The following RHOU variants were observed in gnomAD, a reference collection of about 807,000 sequenced individuals.
RHOU encodes rho-related GTP-binding protein RhoU.
Under a neutral mutation model 12.6 loss-of-function variants are expected in RHOU, and 8 were observed. That is an observed-to-expected ratio of 0.64 (90% confidence interval 0.37 to 1.15). RHOU has a LOEUF of 1.15. Ranked by LOEUF, RHOU falls within the 50% of genes most tolerant of loss-of-function variation. The pLI, the probability that RHOU is intolerant of heterozygous loss-of-function variation, is 0.01. For missense variants in RHOU, 258 were observed against 347.0 expected (o/e 0.74, Z 2.04); for synonymous variants, 161 against 147.4 (o/e 1.09, Z -0.67).
upstream of RHOU, among the ~76,000 whole-genome samples, chr1:228,734,422 T>C (rs543242027): frequency 6.6e-6 from 1 of 152,192 alleles, no homozygotes; most frequent in Admixed American, 6.5e-5. Context: ...GGGGCTAGAC[T>C]ATTTGGGTTT....
At chr1:228,719,721 C>T in the RHOU span, among the ~76,000 whole-genome samples, 7 of 152,206 alleles carry the variant, frequency 4.6e-5, no homozygotes, top group East Asian at 1.2e-3. Flanking sequence ...CAGAACATGA[C>T]TCTGTCTTAA....
the RHOU span, among the ~76,000 whole-genome samples, chr1:228,661,983 G>GA: frequency 6.6e-6 from 1 of 151,852 alleles, no homozygotes; most frequent in Non-Finnish European, 1.5e-5. Context: ...AAATTTACAA[G>GA]AAAAAAACAA....
At chr1:228,674,499 A>ACC in the RHOU span, among the ~76,000 whole-genome samples, 1 of 151,794 alleles carries the variant, frequency 6.6e-6, no homozygotes, top group Non-Finnish European at 1.5e-5. Context: ...GGTGCCTGCC[A>ACC]CCACACCCAG....
chr1:228,659,072 C>T, the RHOU span, among the ~76,000 whole-genome samples: 2 of 146,258 alleles, frequency 1.4e-5, no homozygotes, highest in African/African-American at 2.5e-5. Flanking sequence ...GAAATGCTTA[C>T]GTTTTAAAAA....
At position 228,746,277 on chromosome 1, in the gene RHOU, A is replaced by G. The variant is rs1211737635; in HGVS notation, c.*2537A>G. The G allele has an allele frequency of 6.6e-6, 1 of 152,246 alleles. No individual in the cohort carries two copies. The highest frequency in any genetic ancestry group is 1.5e-5 in the Non-Finnish European group (1 of 68,044). The allele number at this position is 152,246 out of a possible 1,614,324, so 9.4% of individuals were successfully genotyped here. A position where few individuals can be genotyped will look rare whatever the true frequency, so the allele number is the denominator to read the frequency against. The stretch of plus-strand genomic sequence containing the variant: ...TATAAAGTTGGTTCACTTCAAAGCT[A>G]AAAAATTGTTAAACTTGCAGCTTGG... On this transcript the variant is annotated 3_prime_UTR_variant, in exon 3 of 3. Coordinates refer to ENST00000366691, the MANE Select transcript of RHOU (RefSeq NM_021205.6).
chr1:228,686,793 T>G, the RHOU span, among the ~76,000 whole-genome samples: 3 of 151,828 alleles, frequency 2.0e-5, no homozygotes, highest in Non-Finnish European at 2.9e-5. Flanking sequence ...CAGGCTGGAG[T>G]GCAGTGGCGT....
At chr1:228,707,196 CATATATAT>C in the RHOU span, among the ~76,000 whole-genome samples, 11 of 70,620 alleles carry the variant, frequency 1.6e-4, no homozygotes, top group African/African-American at 5.0e-4. Flanking sequence ...TATATATATA[CATATATAT>C]ACATATATAT....
the RHOU span, among the ~76,000 whole-genome samples, chr1:228,659,574 T>G: frequency 1.0e-3 from 153 of 151,950 alleles, no homozygotes; most frequent in African/African-American, 3.3e-3. Flanking sequence ...AAAGCTGGTT[T>G]TTTTTTAAAG....
the RHOU span, among the ~76,000 whole-genome samples, chr1:228,660,425 T>C: frequency 1.3e-5 from 2 of 151,490 alleles, no homozygotes; most frequent in Non-Finnish European, 2.9e-5. Context: ...TCCTTCTTAA[T>C]CCCTTCCAAA....
the RHOU span, among the ~76,000 whole-genome samples, chr1:228,723,643 GGGGCTTTAC>G: frequency 6.6e-6 from 1 of 152,178 alleles, no homozygotes; most frequent in Non-Finnish European, 1.5e-5. Flanking sequence ...GCTAAGAGCC[GGGGCTTTAC>G]GAGTGGGGCC....
At chr1:228,734,614 C>A (rs1423128879), upstream of RHOU, among the ~76,000 whole-genome samples, 1 of 149,198 alleles carries the variant, frequency 6.7e-6, no homozygotes, top group Non-Finnish European at 1.5e-5. Flanking sequence ...ATTTTTACTA[C>A]CACTAGTATC....
At chr1:228,685,748 T>C in the RHOU span, among the ~76,000 whole-genome samples, 1 of 152,200 alleles carries the variant, frequency 6.6e-6, no homozygotes, top group East Asian at 1.9e-4. Flanking sequence ...AATCTTCTCA[T>C]TGACTTACAT....
chr1:228,687,734 G>T, the RHOU span: 1 of 1,441,822 alleles, frequency 6.9e-7, no homozygotes, highest in South Asian at 1.1e-5. Context: ...GTGAGCACGT[G>T]ACCAACTTGT....
the RHOU span, among the ~76,000 whole-genome samples, chr1:228,665,106 C>A: frequency 6.6e-6 from 1 of 152,194 alleles, no homozygotes; most frequent in Non-Finnish European, 1.5e-5. Context: ...GGCTAAGTGA[C>A]TTTTACCTGG....
chr1:228,666,659 G>A, the RHOU span, among the ~76,000 whole-genome samples: 1 of 152,132 alleles, frequency 6.6e-6, no homozygotes, highest in Non-Finnish European at 1.5e-5. Context: ...GAAGCCAGCA[G>A]GGAATGTGCA....
the RHOU span, among the ~76,000 whole-genome samples, chr1:228,682,418 TCAC>T: frequency 0.017 from 2,566 of 152,342 alleles, 22 homozygotes; most frequent in Middle Eastern, 0.044. Flanking sequence ...GCTGTTTATT[TCAC>T]CTGGGTGTAG....
the RHOU span, among the ~76,000 whole-genome samples, chr1:228,724,683 T>C: frequency 6.6e-6 from 1 of 152,218 alleles, no homozygotes; most frequent in Admixed American, 6.5e-5. Flanking sequence ...TTATTAACTA[T>C]AGTCACCAAG....
chr1:228,661,318 T>C, the RHOU span, among the ~76,000 whole-genome samples: 1 of 152,080 alleles, frequency 6.6e-6, no homozygotes, highest in Non-Finnish European at 1.5e-5. Flanking sequence ...TTTAACAGAA[T>C]TGGAAAAAAC....
the RHOU span, among the ~76,000 whole-genome samples, chr1:228,686,157 G>A: frequency 6.6e-6 from 1 of 151,976 alleles, no homozygotes; most frequent in Admixed American, 6.5e-5. Flanking sequence ...AGATTTAGAG[G>A]AATTAGTTAA....
Sources: allele counts gnomAD v4.1 joint callset (sites outside exome capture counted in the v4.1 genomes callset), GRCh38; gene constraint gnomAD v4.1.1; transcripts MANE v1.5; gene names NCBI Gene and HGNC (gene_info 2026-07-23, HGNC 2026-07-21).